Variants in MAML2 observed in about 807,000 individuals in gnomAD.
The protein encoded by MAML2 is mastermind-like protein 2.
A neutral mutation model predicts 96.1 loss-of-function variants in MAML2; 22 were observed. The ratio of observed to expected loss-of-function variants is 0.23; its 90% confidence interval spans 0.16 to 0.33. MAML2 has a LOEUF of 0.33. Ranked by LOEUF, MAML2 falls within the 10% of genes least tolerant of loss-of-function variation. MAML2 has a pLI of 1.00. For synonymous variants in MAML2, 561 were observed against 521.3 expected, an observed-to-expected ratio of 1.08 and a Z score of -1.04; for missense variants, 1,367 against 1,392.4, an observed-to-expected ratio of 0.98 and a Z score of 0.29.
rs1448760632 is a variant in MAML2, at chr11:95,986,020, A to C, written c.2344-378T>G. Among the ~76,000 whole-genome samples the C allele has an allele frequency of 3.9e-5, 6 of 152,248 alleles. No individual in the cohort carries two copies. In the East Asian group the frequency reaches 1.2e-3, roughly 29 times the overall value. The stretch of plus-strand genomic sequence containing the variant: ...CACTGTGCAACCTCCAAAACACCAA[A>C]CACCCCCCTCTCTTGTTAAATGAGT... On this transcript the variant is annotated intron_variant, in intron 3 of 4. Coordinates refer to ENST00000524717, the MANE Select transcript of MAML2 (RefSeq NM_032427.4).
intron 1 of MAML2, among the ~76,000 whole-genome samples, chr11:96,249,326 C>G (rs1862552822): frequency 6.6e-6 from 1 of 152,134 alleles, no homozygotes; most frequent in South Asian, 2.1e-4. Context: ...TTTAGCTATA[C>G]TTCTGCTCCA....
chr11:96,120,417 C>T (rs1232749091), intron 1 of MAML2, among the ~76,000 whole-genome samples: 1 of 152,132 alleles, frequency 6.6e-6, no homozygotes, highest in African/African-American at 2.4e-5. Flanking sequence ...TGATCAGTTG[C>T]TGTCCCTGAT....
intron 1 of MAML2, among the ~76,000 whole-genome samples, chr11:96,189,605 T>A (rs181003249): frequency 2.9e-3 from 449 of 152,374 alleles, no homozygotes; most frequent in Middle Eastern, 6.8e-3. Context: ...CTGACAGATT[T>A]ACTCATTCAT....
At chr11:96,205,781 C>T (rs1028282868) in intron 1 of MAML2, among the ~76,000 whole-genome samples, 3 of 152,192 alleles carry the variant, frequency 2.0e-5, no homozygotes, top group Non-Finnish European at 4.4e-5. Context: ...TCTTTCCTCT[C>T]AAAGGTCAAA....
At chr11:96,037,029 AG>A (rs1384790255) in intron 2 of MAML2, among the ~76,000 whole-genome samples, 2 of 152,202 alleles carry the variant, frequency 1.3e-5, no homozygotes, top group Non-Finnish European at 2.9e-5. Context: ...AATACCGCCT[AG>A]GTTGTTCCTG....
chr11:96,227,538 AGCT>A, intron 1 of MAML2, among the ~76,000 whole-genome samples: 1 of 152,178 alleles, frequency 6.6e-6, no homozygotes. Context: ...TCAGAGCATG[AGCT>A]CTGAAGTTAA....
intron 2 of MAML2, among the ~76,000 whole-genome samples, chr11:96,072,765 CTG>C (rs1034123072): frequency 2.6e-5 from 4 of 152,156 alleles, no homozygotes; most frequent in Non-Finnish European, 4.4e-5. Context: ...GCCAAAAGGA[CTG>C]TGTGTCTAAA....
intron 2 of MAML2, among the ~76,000 whole-genome samples, chr11:96,020,555 C>T (rs1484956243): frequency 6.6e-6 from 1 of 152,154 alleles, no homozygotes; most frequent in African/African-American, 2.4e-5. Context: ...GTGACTGGGG[C>T]ACTGAGTTTC....
intron 1 of MAML2, among the ~76,000 whole-genome samples, chr11:96,258,767 TAAC>T (rs761541535): frequency 9.2e-5 from 14 of 152,314 alleles, no homozygotes; most frequent in East Asian, 7.7e-4. Flanking sequence ...AACGAAATTA[TAAC>T]AACAGTGAGA....
intron 1 of MAML2, among the ~76,000 whole-genome samples, chr11:96,118,252 A>G (rs1860277153): frequency 6.6e-6 from 1 of 152,194 alleles, no homozygotes; most frequent in African/African-American, 2.4e-5. Context: ...ATGTCCAGCT[A>G]TACGGTTTGG....
intron 2 of MAML2, among the ~76,000 whole-genome samples, chr11:96,088,903 T>C (rs1334934634): frequency 1.3e-5 from 2 of 152,178 alleles, no homozygotes; most frequent in Non-Finnish European, 2.9e-5. Context: ...AAGGTCACCT[T>C]GCATATCTAT....
At chr11:95,997,153 T>C (rs577422145) in intron 2 of MAML2, among the ~76,000 whole-genome samples, 1 of 152,292 alleles carries the variant, frequency 6.6e-6, no homozygotes, top group South Asian at 2.1e-4. Flanking sequence ...ATGTTCTTTT[T>C]CTGTTTTTAC....
intron 1 of MAML2, among the ~76,000 whole-genome samples, chr11:96,151,507 G>A (rs990571601): frequency 3.3e-5 from 5 of 152,212 alleles, no homozygotes; most frequent in African/African-American, 1.2e-4. Flanking sequence ...ATGTTCAGTT[G>A]TAATTCTCAG....
intron 2 of MAML2, among the ~76,000 whole-genome samples, chr11:96,014,622 A>G (rs1858315174): frequency 6.6e-6 from 1 of 152,228 alleles, no homozygotes; most frequent in Non-Finnish European, 1.5e-5. Context: ...GTTCTGTGTT[A>G]TCTCTGCAGT....
At chr11:96,239,630 C>A (rs751941214) in intron 1 of MAML2, among the ~76,000 whole-genome samples, 5 of 151,838 alleles carry the variant, frequency 3.3e-5, no homozygotes, top group East Asian at 1.9e-4. Flanking sequence ...TAGAAAGAAA[C>A]CTTGGTTTCA....
chr11:96,274,697 G>A lies in MAML2; in HGVS notation c.513+66686C>T, dbSNP rs1172622341. Reference sequence around the variant, plus strand: ...ATTGCATTGGAAAAATAAAACATAAGTTGAAACAGATGCTGCTCATGAGCT... The same window carrying A: ...ATTGCATTGGAAAAATAAAACATAAATTGAAACAGATGCTGCTCATGAGCT... On this transcript the variant is annotated intron_variant, in intron 1 of 4. Coordinates refer to ENST00000524717, the MANE Select transcript of MAML2 (RefSeq NM_032427.4). Among the ~76,000 whole-genome samples the A allele has an allele frequency of 4.6e-5, 7 of 152,222 alleles. No homozygotes were observed. In the East Asian group the frequency reaches 9.6e-4, roughly 21 times the overall value.
At chr11:96,189,031 T>G (rs78715059) in intron 1 of MAML2, among the ~76,000 whole-genome samples, 1 of 151,512 alleles carries the variant, frequency 6.6e-6, no homozygotes, top group African/African-American at 2.4e-5. Context: ...ATCTTATTAG[T>G]AAAGAGAAGC....
chr11:96,056,251 G>A (rs950633285), intron 2 of MAML2, among the ~76,000 whole-genome samples: 1 of 152,174 alleles, frequency 6.6e-6, no homozygotes, highest in Non-Finnish European at 1.5e-5. Context: ...AGAAAGGATG[G>A]TGGAGCTTGG....
chr11:96,063,080 C>T (rs1397017627), intron 2 of MAML2, among the ~76,000 whole-genome samples: 1 of 97,636 alleles, frequency 1.0e-5, no homozygotes, highest in Non-Finnish European at 2.0e-5. Context: ...CCTCTGTCCA[C>T]CTCTCTGGCA....
Sources: allele counts gnomAD v4.1 joint callset (sites outside exome capture counted in the v4.1 genomes callset), GRCh38; gene constraint gnomAD v4.1.1; transcripts MANE v1.5; gene names NCBI Gene and HGNC (gene_info 2026-07-23, HGNC 2026-07-21).